ANKRD42: variants seen among roughly 807,000 people sequenced by gnomAD.
ANKRD42 encodes ankyrin repeat domain 42.
A neutral mutation model predicts 51.5 loss-of-function variants in ANKRD42; 43 were observed. That is an observed-to-expected ratio of 0.83 (90% CI 0.65 to 1.08). The LOEUF (loss-of-function observed/expected upper bound fraction) is 1.08. Ranked by LOEUF, ANKRD42 falls within the 50% of genes least tolerant of loss-of-function variation. The pLI, the probability that ANKRD42 is intolerant of heterozygous loss-of-function variation, is 0.00. For missense variants in ANKRD42, 608 were observed against 629.3 expected, an observed-to-expected ratio of 0.97 and a Z score of 0.36; for synonymous variants, 203 against 213.0, an observed-to-expected ratio of 0.95 and a Z score of 0.41.
At chr11:83,247,720 A>G (rs1034939555) in intron 10 of ANKRD42, among the ~76,000 whole-genome samples, 2 of 152,146 alleles carry the variant, frequency 1.3e-5, no homozygotes, top group Admixed American at 6.5e-5. Context: ...CTCTATTACT[A>G]AAGTAAGGTC....
chr11:83,202,054 T>C (rs550954321), intron 2 of ANKRD42, among the ~76,000 whole-genome samples: 1 of 152,356 alleles, frequency 6.6e-6, no homozygotes, highest in African/African-American at 2.4e-5. Context: ...GTTTTAGTCA[T>C]GAAGTCTTTG....
chr11:83,214,369 C>A, intron 5 of ANKRD42: 1 of 940,288 alleles, frequency 1.1e-6, no homozygotes, highest in Non-Finnish European at 1.3e-6. Context: ...GTGTGTAATA[C>A]AAGGTAGGGG....
rs1439607267 is a variant in ANKRD42, at chr11:83,227,761, G to C, written c.802G>C (p.Gly268Arg). 1 of 1,610,726 alleles carries C rather than the reference G, an allele frequency of 6.2e-7. No individual in the cohort carries two copies. The highest frequency in any genetic ancestry group is 8.5e-7 in the Non-Finnish European group (1 of 1,179,050). ...TTTATTCATAGCTTTAGCATTTCCA[G>C]GTCATGTGGCTGCCTTTAAGGGTGA... ...LEDQETLAFP[G>R]HVAAFKGDLG... Residue 268 changes from glycine to arginine, a missense_variant, in exon 7 of 11, where the codon GGT becomes CGT. Transcript: ENST00000533342.
downstream of ANKRD42, among the ~76,000 whole-genome samples, chr11:83,250,062 T>C (rs1227044201): frequency 3.9e-5 from 6 of 152,184 alleles, no homozygotes; most frequent in East Asian, 1.2e-3. Context: ...CACATGCAGC[T>C]AAGGATAGGA....
intron 10 of ANKRD42, among the ~76,000 whole-genome samples, chr11:83,246,124 G>A (rs1032376747): frequency 6.6e-6 from 1 of 152,124 alleles, no homozygotes; most frequent in East Asian, 1.9e-4. Context: ...ATAGCAGTTG[G>A]CTCTCTATAT....
downstream of ANKRD42, among the ~76,000 whole-genome samples, chr11:83,250,904 A>G (rs958601921): frequency 2.6e-5 from 4 of 152,080 alleles, no homozygotes; most frequent in Non-Finnish European, 5.9e-5. Flanking sequence ...ATATCTTTCT[A>G]TCTGAACTAC....
At chr11:83,217,424 C>T (rs929911547) in intron 5 of ANKRD42, among the ~76,000 whole-genome samples, 16 of 152,228 alleles carry the variant, frequency 1.1e-4, no homozygotes, top group African/African-American at 3.9e-4. Flanking sequence ...CTCCTAATTG[C>T]AACCGAGCAG....
At chr11:83,231,361 T>C (rs970915228) in intron 7 of ANKRD42, among the ~76,000 whole-genome samples, 1 of 152,250 alleles carries the variant, frequency 6.6e-6, no homozygotes, top group Non-Finnish European at 1.5e-5. Flanking sequence ...TATGTCTTCT[T>C]TTGAGAAATG....
downstream of ANKRD42, among the ~76,000 whole-genome samples, chr11:83,256,554 CCT>C (rs965644794): frequency 3.3e-5 from 5 of 152,004 alleles, no homozygotes; most frequent in Admixed American, 6.5e-5. Flanking sequence ...TTCCTACCCC[CCT>C]CTCTTTTCTC....
chr11:83,217,425 A>C (rs1287060243), intron 5 of ANKRD42, among the ~76,000 whole-genome samples: 1 of 152,222 alleles, frequency 6.6e-6, no homozygotes, highest in East Asian at 1.9e-4. Flanking sequence ...TCCTAATTGC[A>C]ACCGAGCAGG....
At chr11:83,221,903 C>T (rs1359108239) in intron 5 of ANKRD42, among the ~76,000 whole-genome samples, 3 of 152,208 alleles carry the variant, frequency 2.0e-5, no homozygotes, top group Non-Finnish European at 4.4e-5. Flanking sequence ...TGTCTTCAGG[C>T]ACTCCCAGTG....
At position 83,211,237 on chromosome 11, in the gene ANKRD42, C is replaced by T. The variant is rs762844807; in HGVS notation, c.451-58C>T. On this transcript the variant is annotated intron_variant, in intron 4 of 10. Transcript: ENST00000533342. ...TTATTTACAGAATTAAGCTGCTAGGCTTAGTATTTCCCCTACAAAATGGGG... is the reference window on the plus strand; with the variant it reads ...TTATTTACAGAATTAAGCTGCTAGGTTTAGTATTTCCCCTACAAAATGGGG... The T allele has an allele frequency of 9.4e-6, 15 of 1,601,164 alleles. No homozygotes were observed. In the Admixed American group the frequency reaches 1.3e-4, roughly 14 times the overall value.
At chr11:83,198,997 G>A (rs1861767517) in intron 2 of ANKRD42, among the ~76,000 whole-genome samples, 1 of 152,090 alleles carries the variant, frequency 6.6e-6, no homozygotes, top group South Asian at 2.1e-4. Context: ...GGTTGATGCT[G>A]GTTATGGATT....
Position 83,193,896 on chromosome 11 carries a change from C to T in ANKRD42, c.-775C>T, listed in dbSNP as rs1347360949. 3.7e-5 allele frequency: 17 copies of T among 454,404 alleles called. No individual in the cohort carries two copies. The East Asian group carries it at 1.1e-3, about 30-fold the overall frequency. 28.1% of individuals were successfully genotyped at this position (454,404 alleles called of 1,614,324 possible). A position where few individuals can be genotyped will look rare whatever the true frequency, so the allele number is the denominator to read the frequency against. On this transcript the variant is annotated 5_prime_UTR_variant, in exon 1 of 11. In the 5' UTR this introduces an upstream ATG that the reference lacks. Coordinates refer to ENST00000533342, the MANE Select transcript of ANKRD42 (RefSeq NM_001300975.2). ...ACGTGTGGAGGATAAACGGTCTACA[C>T]GGCCATTCCGGCGCCGAGTCTAGGG... is the stretch of plus-strand genomic sequence containing the variant.
Position 83,194,649 on chromosome 11 carries a change from C to T in ANKRD42, c.-22C>T. 2 of 1,613,292 alleles carry T rather than the reference C, an allele frequency of 1.2e-6. No homozygotes were observed. The highest frequency in any genetic ancestry group is 1.7e-6 in the Non-Finnish European group (2 of 1,179,600). On this transcript the variant is annotated 5_prime_UTR_variant, in exon 1 of 11. Coordinates refer to ENST00000533342, the MANE Select transcript of ANKRD42 (RefSeq NM_001300975.2). ...TCAGGGGCCTGGACTCAACTCCTCC[C>T]CAGAGTCGGAGGTGTTGCGCCATGC...
At position 83,206,254 on chromosome 11, in the gene ANKRD42, G is replaced by T. The variant is rs139068796; in HGVS notation, c.330+89G>T. ...ATTATTCTAATTATTTGACTCAATA[G>T]ATTTAGTTTTATGTTCTAAACAAGA... is the stretch of plus-strand genomic sequence containing the variant. On this transcript the variant is annotated intron_variant, in intron 3 of 10. Coordinates refer to ENST00000533342, the MANE Select transcript of ANKRD42 (RefSeq NM_001300975.2). The T allele has an allele frequency of 1.4e-4, 157 of 1,102,662 alleles. No homozygotes were observed. In the African/African-American group the frequency reaches 2.3e-3, roughly 16 times the overall value. 68.3% of individuals were successfully genotyped at this position (1,102,662 alleles called of 1,614,324 possible).
chr11:83,227,925 AT>A, intron 7 of ANKRD42, 53 bp downstream of exon 7: 2 of 1,533,124 alleles, frequency 1.3e-6, no homozygotes, highest in Non-Finnish European at 1.7e-6. Context: ...TGAGTTATTC[AT>A]CTTTTAAAGT....
intron 9 of ANKRD42, among the ~76,000 whole-genome samples, chr11:83,243,967 CTTTTTTTTTT>C (rs66756456): frequency 0.024 from 1,577 of 67,002 alleles, 16 homozygotes; most frequent in African/African-American, 0.096. Flanking sequence ...CCTGGCTGCC[CTTTTTTTTTT>C]TTTTTTTTTT....
In ANKRD42 at chr11:83,194,292, G is replaced by T; in HGVS notation, c.-379G>T. On this transcript the variant is annotated 5_prime_UTR_variant, in exon 1 of 11. Coordinates refer to ENST00000533342, the MANE Select transcript of ANKRD42 (RefSeq NM_001300975.2). The stretch of plus-strand genomic sequence containing the variant: ...GGGACCCGCGAACTAGTGACTTCGG[G>T]GATAGAGTCAGTGACGATCGCAGTC... The T allele has an allele frequency of 2.0e-6, 1 of 488,458 alleles. No individual in the cohort carries two copies. Among genetic ancestry groups the T allele is most frequent in the Non-Finnish European group, 4.0e-6 (1 of 248,554 alleles). 30.3% of individuals were successfully genotyped at this position (488,458 alleles called of 1,614,324 possible).
Sources: allele counts gnomAD v4.1 joint callset (sites outside exome capture counted in the v4.1 genomes callset), GRCh38; gene constraint gnomAD v4.1.1; transcripts MANE v1.5; gene names NCBI Gene and HGNC (gene_info 2026-07-23, HGNC 2026-07-21).